The following ADD3 variants were observed in gnomAD, a reference collection of about 807,000 sequenced individuals.
ADD3 encodes adducin 3.
A neutral mutation model predicts 80.2 loss-of-function variants in ADD3; 25 were observed. That is an observed-to-expected ratio of 0.31 (90% confidence interval 0.23 to 0.44). The LOEUF (loss-of-function observed/expected upper bound fraction) is 0.44. ADD3 is among the 20% of genes least tolerant of loss of function. The pLI, the probability that ADD3 is intolerant of heterozygous loss-of-function variation, is 1.00. For synonymous variants in ADD3, 284 were observed against 289.6 expected, an observed-to-expected ratio of 0.98 and a Z score of 0.20; for missense variants, 829 against 847.5, an observed-to-expected ratio of 0.98 and a Z score of 0.27.
chr10:110,130,465 C>A lies in ADD3; in HGVS notation c.1711C>A (p.Arg571Ser), dbSNP rs750339365. 1 of 1,613,754 alleles carries A rather than the reference C, an allele frequency of 6.2e-7. No homozygotes were observed. Among genetic ancestry groups the A allele is most frequent in the South Asian group, 1.1e-5 (1 of 91,048 alleles). Reference protein sequence around the residue: ...ELEEYKRTIERKQQGLEDAEQ... With the variant: ...ELEEYKRTIESKQQGLEDAEQ... ...TGAAGAGTATAAGAGGACAATCGAA[C>A]GTAAACAACAAGGCCTAGAAGGTTA... The change falls in exon 13 of 15, where the codon CGT (arginine) becomes AGT (serine). Residue 571 changes from arginine to serine, a missense_variant. Physicochemically the swap from Arg to Ser is moderately radical, Grantham distance 110 (BLOSUM62 -1). Transcript: ENST00000356080.
intron 1 of ADD3, among the ~76,000 whole-genome samples, chr10:110,088,751 T>C (rs1847116331): frequency 6.6e-6 from 1 of 152,238 alleles, no homozygotes; most frequent in East Asian, 1.9e-4. Context: ...GGTTCTTTAA[T>C]ATTTTTTTGT....
chr10:110,127,998 A>G (rs1564668948), intron 12 of ADD3, among the ~76,000 whole-genome samples: 1 of 144,630 alleles, frequency 6.9e-6, no homozygotes, highest in African/African-American at 2.6e-5. Flanking sequence ...TCTGTTCCCT[A>G]TTTTATTGTT....
At chr10:110,077,328 C>G (rs888558791) in intron 1 of ADD3, among the ~76,000 whole-genome samples, 1 of 151,062 alleles carries the variant, frequency 6.6e-6, no homozygotes, top group Non-Finnish European at 1.5e-5. Context: ...AAACAGTTTA[C>G]TGAATTGTTA....
chr10:110,032,714 C>T (rs921270690), intron 1 of ADD3, among the ~76,000 whole-genome samples: 2 of 152,130 alleles, frequency 1.3e-5, no homozygotes, highest in Non-Finnish European at 2.9e-5. Context: ...CTGAAATAAT[C>T]GCTATTCTAT....
upstream of ADD3, among the ~76,000 whole-genome samples, chr10:110,002,112 T>G (rs1402226833): frequency 1.3e-5 from 2 of 152,014 alleles, no homozygotes; most frequent in Non-Finnish European, 2.9e-5. Flanking sequence ...GCCAACATGG[T>G]GAAACCTCGT....
intron 1 of ADD3, among the ~76,000 whole-genome samples, chr10:110,085,828 G>A (rs1341601994): frequency 2.6e-5 from 4 of 152,082 alleles, no homozygotes; most frequent in African/African-American, 2.4e-5. Flanking sequence ...GACTTGGGCC[G>A]GGCATGGTGG....
At chr10:109,998,030 T>G (rs1851414078) in intron 1 of ADD3, among the ~76,000 whole-genome samples, 1 of 152,232 alleles carries the variant, frequency 6.6e-6, no homozygotes, top group Non-Finnish European at 1.5e-5. Context: ...TAGACTGTAC[T>G]AGGGATACAA....
chr10:110,013,480 A>AT (rs948200030), intron 1 of ADD3, among the ~76,000 whole-genome samples: 47 of 152,314 alleles, frequency 3.1e-4, no homozygotes, highest in Non-Finnish European at 6.0e-4. Context: ...TAGGATAAAC[A>AT]TTTCCCTCAA....
Position 110,124,037 on chromosome 10 carries a change from T to G in ADD3, c.1164T>G (p.Ala388=). ...LDNLGYRTGY[A]YRHPLIREKP... ...CTTAGGGGTATAGAACAGGCTATGC[T>G]TACAGGCATCCTCTCATTCGAGAGA... Residue 388 remains alanine, a synonymous_variant, in exon 10 of 15, where the codon GCT becomes GCG. Coordinates refer to ENST00000356080, the MANE Select transcript of ADD3 (RefSeq NM_016824.5). 6.2e-7 allele frequency: 1 copy of G among 1,614,188 alleles called. No individual in the cohort carries two copies. Among genetic ancestry groups the G allele is most frequent in the Non-Finnish European group, 8.5e-7 (1 of 1,180,010 alleles).
chr10:110,046,049 C>T (rs1019594823), intron 1 of ADD3, among the ~76,000 whole-genome samples: 6 of 152,104 alleles, frequency 3.9e-5, no homozygotes, highest in African/African-American at 1.4e-4. Flanking sequence ...TGAATAACAC[C>T]ATGAGACTCA....
chr10:110,013,707 C>A (rs1217296733), intron 1 of ADD3, among the ~76,000 whole-genome samples: 6 of 152,090 alleles, frequency 3.9e-5, no homozygotes, highest in Non-Finnish European at 8.8e-5. Context: ...TAAATTTATT[C>A]TTGTGATTTC....
chr10:110,000,994 TTTTTG>T (rs780283427), upstream of ADD3, among the ~76,000 whole-genome samples: 59 of 152,332 alleles, frequency 3.9e-4, no homozygotes, highest in Non-Finnish European at 7.6e-4. Context: ...TGGAAACTCA[TTTTTG>T]AACACAGAGT....
chr10:110,043,496 A>G (rs996295871), intron 1 of ADD3, among the ~76,000 whole-genome samples: 1 of 152,204 alleles, frequency 6.6e-6, no homozygotes, highest in Non-Finnish European at 1.5e-5. Context: ...TTTTTTAACC[A>G]AGGATGAATA....
At chr10:110,065,000 GTGAGC>G (rs961731619) in intron 1 of ADD3, among the ~76,000 whole-genome samples, 1 of 152,070 alleles carries the variant, frequency 6.6e-6, no homozygotes, top group Non-Finnish European at 1.5e-5. Context: ...AGAGGTTGCA[GTGAGC>G]TGAGATCTTG....
At chr10:110,044,258 A>G (rs1392064896) in intron 1 of ADD3, among the ~76,000 whole-genome samples, 4 of 152,354 alleles carry the variant, frequency 2.6e-5, no homozygotes, top group Non-Finnish European at 4.4e-5. Flanking sequence ...TTCTGATTCT[A>G]TAAATGAAAC....
chr10:110,133,301 C>T (rs746589590), intron 14 of ADD3, 25 bp from the exon 15 acceptor site: 23 of 1,545,062 alleles, frequency 1.5e-5, no homozygotes, highest in Non-Finnish European at 2.0e-5. Flanking sequence ...TAAAATAACC[C>T]CCAAAAAACC....
intron 1 of ADD3, among the ~76,000 whole-genome samples, chr10:110,044,674 AAAG>A (rs1856734078): frequency 6.6e-6 from 1 of 152,250 alleles, no homozygotes; most frequent in African/African-American, 2.4e-5. Context: ...ATTGTAGACT[AAAG>A]AAGTAATAGG....
intron 1 of ADD3, among the ~76,000 whole-genome samples, chr10:110,019,316 A>T (rs1038822505): frequency 6.6e-6 from 1 of 151,066 alleles, no homozygotes; most frequent in Non-Finnish European, 1.5e-5. Context: ...TTCTTACTGT[A>T]ACTCTATTCA....
At chr10:110,040,830 T>C (rs1272384438) in intron 1 of ADD3, among the ~76,000 whole-genome samples, 2 of 152,162 alleles carry the variant, frequency 1.3e-5, no homozygotes, top group East Asian at 1.9e-4. Flanking sequence ...ACAGAAGGAA[T>C]GATGGAGTTT....
Sources: allele counts gnomAD v4.1 joint callset (sites outside exome capture counted in the v4.1 genomes callset), GRCh38; gene constraint gnomAD v4.1.1; transcripts MANE v1.5; gene names NCBI Gene and HGNC (gene_info 2026-07-23, HGNC 2026-07-21).